Variants in PCDHA1 observed in about 807,000 individuals in gnomAD.
PCDHA1 encodes the protein protocadherin alpha 1.
In PCDHA1, 42 loss-of-function variants were observed where a neutral mutation model predicts 61.3. The observed-to-expected ratio is 0.69, with a 90% CI of 0.54 to 0.89. The LOEUF (loss-of-function observed/expected upper bound fraction) is 0.89. PCDHA1 is among the 40% of genes least tolerant of loss of function. The probability of loss-of-function intolerance (pLI) is 0.00; values close to 1 mark genes in which losing one functional copy is unlikely to be tolerated. For synonymous variants in PCDHA1, 610 were observed against 553.8 expected, an observed-to-expected ratio of 1.10 and a Z score of -1.43; for missense variants, 1,256 against 1,235.3, an observed-to-expected ratio of 1.02 and a Z score of -0.25.
At chr5:140,966,680 A>AGCG in intron 1 of PCDHA1, 1 of 1,317,158 alleles carries the variant, frequency 7.6e-7, no homozygotes, top group Non-Finnish European at 9.8e-7. Flanking sequence ...GGGTGGCACG[A>AGCG]GCGGAGGCGG....
chr5:140,928,473 C>T (rs782009999), intron 1 of PCDHA1: 1 of 1,613,978 alleles, frequency 6.2e-7, no homozygotes, highest in Admixed American at 1.7e-5. Context: ...AAGTAGAAGG[C>T]CGGGATGGTG....
At chr5:140,928,137 C>T (rs537220203) in intron 1 of PCDHA1, 14 of 1,614,066 alleles carry the variant, frequency 8.7e-6, no homozygotes, top group Admixed American at 1.7e-5. Flanking sequence ...AAGTCCTGAT[C>T]ACGGCCTCAG....
intron 1 of PCDHA1, chr5:140,794,930 C>G (rs782425445): frequency 6.4e-7 from 1 of 1,559,582 alleles, no homozygotes; most frequent in African/African-American, 1.4e-5. Context: ...GCAAAACATG[C>G]TCTTCTAATT....
chr5:140,895,124 T>A (rs2064859568), intron 1 of PCDHA1, among the ~76,000 whole-genome samples: 1 of 152,196 alleles, frequency 6.6e-6, no homozygotes, highest in Non-Finnish European at 1.5e-5. Flanking sequence ...ATTTGTTAGT[T>A]GACAAGTTCA....
At chr5:140,848,565 T>C (rs2150412911) in intron 1 of PCDHA1, 2 of 1,595,404 alleles carry the variant, frequency 1.3e-6, no homozygotes, top group African/African-American at 1.3e-5. Flanking sequence ...CCTCGCAATG[T>C]GGGTGGTGGG....
At chr5:140,935,564 T>A (rs1554210560) in intron 1 of PCDHA1, among the ~76,000 whole-genome samples, 1 of 152,236 alleles carries the variant, frequency 6.6e-6, no homozygotes, top group Non-Finnish European at 1.5e-5. Context: ...GAAAAGTTCC[T>A]CTCTGTGTAG....
chr5:140,869,943 C>T (rs781893563), intron 1 of PCDHA1: 10 of 1,612,248 alleles, frequency 6.2e-6, no homozygotes, highest in Non-Finnish European at 7.6e-6. Context: ...TAACATACTC[C>T]TTAATGTCAA....
intron 1 of PCDHA1, chr5:140,797,359 CTT>C: frequency 6.2e-7 from 1 of 1,611,380 alleles, no homozygotes; most frequent in Non-Finnish European, 8.5e-7. Flanking sequence ...AAAGGTGAGT[CTT>C]TTACTTTTTC....
In PCDHA1 at chr5:140,869,220, C is replaced by T. The variant is rs184355295; in HGVS notation, c.2394+80536C>T. 1,109 of 1,613,836 alleles carry T rather than the reference C, an allele frequency of 6.9e-4. 5 individuals are homozygous for T. The African/African-American group carries it at 0.013, about 19-fold the overall frequency. On this transcript the variant is annotated intron_variant, in intron 1 of 3. Coordinates refer to ENST00000504120, the MANE Select transcript of PCDHA1 (RefSeq NM_018900.4). ...TCCACTACTCCGTCTCGGAGGAGGC[C>T]AAACACGGCACCTTCGTGGGCCGCA...
At chr5:140,926,178 G>GC (rs1221259064) in intron 1 of PCDHA1, among the ~76,000 whole-genome samples, 2 of 151,700 alleles carry the variant, frequency 1.3e-5, no homozygotes, top group Non-Finnish European at 2.9e-5. Flanking sequence ...AGCGCGGAAA[G>GC]CCCCCCGCAG....
Position 140,787,547 on chromosome 5 carries a change from G to A in PCDHA1, c.1257G>A (p.Ser419=), listed in dbSNP as rs781913821. 3 of 1,614,192 alleles carry A rather than the reference G, an allele frequency of 1.9e-6. No individual in the cohort carries two copies. The highest frequency in any genetic ancestry group is 2.2e-5 in the South Asian group (2 of 91,082). The part of the protein sequence containing the change: ...LDSALDRESL[S]VYELVVTARD... ...GCGCCCTGGATCGCGAGAGCCTGTCGGTCTATGAGCTGGTGGTGACCGCGC... is the reference window on the plus strand; with the variant it reads ...GCGCCCTGGATCGCGAGAGCCTGTCAGTCTATGAGCTGGTGGTGACCGCGC... Residue 419 remains serine, a synonymous_variant, in exon 1 of 4, where the codon TCG becomes TCA. Transcript: ENST00000504120.
At chr5:140,996,811 A>G (rs2097746792) in intron 3 of PCDHA1, among the ~76,000 whole-genome samples, 1 of 152,212 alleles carries the variant, frequency 6.6e-6, no homozygotes, top group African/African-American at 2.4e-5. Flanking sequence ...ATGCTTTCCA[A>G]AAGTAACCAC....
Position 140,787,427 on chromosome 5 carries a change from A to C in PCDHA1, c.1137A>C (p.Ser379=), listed in dbSNP as rs781923281. 1.1e-5 allele frequency: 18 copies of C among 1,614,220 alleles called. No individual in the cohort carries two copies. In the Middle Eastern group the frequency reaches 6.6e-4, roughly 59 times the overall value. ...TCATCACCGTGTCTGACCGTGACTC[A>C]GGTGCCAACGGGCAGGTGACTTGCT... ...IALITVSDRD[S]GANGQVTCSL... is the part of the protein sequence containing the mutation. The change falls in exon 1 of 4, where the codon TCA becomes TCC. Residue 379 remains serine, a synonymous_variant. Transcript: ENST00000504120.
intron 1 of PCDHA1, chr5:140,828,964 C>A: frequency 6.2e-7 from 1 of 1,614,150 alleles, no homozygotes. Flanking sequence ...TGGTTATTGA[C>A]CACTTTAGCA....
At chr5:140,823,762 A>C (rs2150128894) in intron 1 of PCDHA1, 1 of 1,613,864 alleles carries the variant, frequency 6.2e-7, no homozygotes, top group East Asian at 2.2e-5. Flanking sequence ...AGCCACAGCC[A>C]CAGTGCTGGT....
rs147574427 is a variant in PCDHA1 at position 140,786,598 on chromosome 5, G to A, written c.308G>A (p.Ser103Asn). 37 of 1,614,266 alleles carry A rather than the reference G, an allele frequency of 2.3e-5. No homozygotes were observed. In the African/African-American group the frequency reaches 4.0e-4, roughly 17 times the overall value. The change falls in exon 1 of 4, where the codon AGC (serine) becomes AAC (asparagine). Residue 103 changes from serine (S) to asparagine (N), a missense_variant. Physicochemically the swap from Ser to Asn is conservative, Grantham distance 46. Coordinates refer to ENST00000504120, the MANE Select transcript of PCDHA1 (RefSeq NM_018900.4). ...EELCQWSAEC[S>N]IHLELIADRP... ...CTGTGCCAGTGGAGCGCGGAGTGCA[G>A]CATCCACCTGGAGTTGATCGCCGAC...
In PCDHA1 at chr5:140,843,826, A is replaced by G. The variant is rs2150366949; in HGVS notation, c.2394+55142A>G. ...CGTATTTTATAGTGAAAATTTAAAC[A>G]TTGTTTAGTTTTTAGAAACCTTTTA... On this transcript the variant is annotated intron_variant, in intron 1 of 3. Coordinates refer to ENST00000504120, the MANE Select transcript of PCDHA1 (RefSeq NM_018900.4). 117 of 1,185,698 alleles carry G rather than the reference A, an allele frequency of 9.9e-5. 4 individuals carry two copies. The African/African-American group carries it at 1.7e-3, about 17-fold the overall frequency. 73.4% of individuals were successfully genotyped at this position (1,185,698 alleles called of 1,614,324 possible). A position where few individuals can be genotyped will look rare whatever the true frequency, so the allele number is the denominator to read the frequency against.
intron 1 of PCDHA1, chr5:140,828,775 G>A (rs1769936182): frequency 1.2e-6 from 2 of 1,614,158 alleles, no homozygotes; most frequent in South Asian, 2.2e-5. Context: ...CTGTTCAGCT[G>A]CTGGTCACAG....
At chr5:140,921,353 A>G (rs943655623) in intron 1 of PCDHA1, among the ~76,000 whole-genome samples, 5 of 152,160 alleles carry the variant, frequency 3.3e-5, no homozygotes, top group Non-Finnish European at 5.9e-5. Flanking sequence ...ATATTTGCCT[A>G]TATTCAAGTT....
Sources: allele counts gnomAD v4.1 joint callset (sites outside exome capture counted in the v4.1 genomes callset), GRCh38; gene constraint gnomAD v4.1.1; transcripts MANE v1.5; gene names NCBI Gene and HGNC (gene_info 2026-07-23, HGNC 2026-07-21).